The following TBC1D22A variants were observed in gnomAD, a reference collection of about 807,000 sequenced individuals.
The protein encoded by TBC1D22A is TBC1 domain family member 22A.
In TBC1D22A, 38 loss-of-function variants were observed where a neutral mutation model predicts 60.2. The ratio of observed to expected loss-of-function variants is 0.63; its 90% confidence interval spans 0.49 to 0.83. TBC1D22A has a LOEUF of 0.83. Ranked by LOEUF, TBC1D22A falls within the 40% of genes least tolerant of loss-of-function variation. TBC1D22A has a pLI of 0.00. For missense variants in TBC1D22A, 628 were observed against 701.0 expected (o/e 0.90, Z 1.18); for synonymous variants, 302 against 281.7 (o/e 1.07, Z -0.72).
chr22:47,147,480 G>A (rs546693284), intron 12 of TBC1D22A, among the ~76,000 whole-genome samples: 2 of 152,262 alleles, frequency 1.3e-5, no homozygotes, highest in African/African-American at 4.8e-5. Context: ...AGGGGGCTGC[G>A]GTCCTCCAAC....
At chr22:47,147,950 G>T (rs2295248) in intron 12 of TBC1D22A, among the ~76,000 whole-genome samples, 76,083 of 152,038 alleles carry the variant, frequency 0.5, 20,611 homozygotes, top group East Asian at 0.75. Context: ...GTGAGGCTGT[G>T]CTGCTCCTGG....
chr22:47,020,355 A>T (rs1304216894), intron 10 of TBC1D22A, among the ~76,000 whole-genome samples: 3 of 151,550 alleles, frequency 2.0e-5, no homozygotes, highest in Admixed American at 6.6e-5. Flanking sequence ...GGAGAGAGGG[A>T]CTCTATCCGG....
At chr22:46,815,099 A>G (rs1569078045) in intron 4 of TBC1D22A, among the ~76,000 whole-genome samples, 1 of 152,204 alleles carries the variant, frequency 6.6e-6, no homozygotes, top group Non-Finnish European at 1.5e-5. Flanking sequence ...ACATTCTATT[A>G]TTTGGGTGTT....
intron 5 of TBC1D22A, among the ~76,000 whole-genome samples, chr22:46,885,135 C>T (rs1307376816): frequency 1.3e-5 from 2 of 152,186 alleles, no homozygotes; most frequent in African/African-American, 4.8e-5. Context: ...CAGTCTTCAG[C>T]GTCTCTGTAT....
chr22:46,941,334 A>T lies in TBC1D22A; in HGVS notation c.1015+29146A>T, dbSNP rs192155836. The stretch of plus-strand genomic sequence containing the variant: ...AACAGCATGGGGACTGGGGCACTAC[A>T]ATATATATATATATAGAATATATAT... On this transcript the variant is annotated intron_variant, in intron 8 of 12. Transcript: ENST00000337137. Among the ~76,000 whole-genome samples, 90 of 143,146 alleles carry T rather than the reference A, an allele frequency of 6.3e-4. 1 individual carries two copies. The East Asian group carries it at 8.8e-3, about 14-fold the overall frequency. The allele number at this position is 143,146 out of a possible 152,430, so 93.9% of individuals were successfully genotyped here. A position where few individuals can be genotyped will look rare whatever the true frequency, so the allele number is the denominator to read the frequency against.
At chr22:46,820,199 A>AT (rs1183282983) in intron 4 of TBC1D22A, among the ~76,000 whole-genome samples, 1 of 151,324 alleles carries the variant, frequency 6.6e-6, no homozygotes, top group Non-Finnish European at 1.5e-5. Context: ...GGATTTGTTG[A>AT]TTTTTTGGAG....
At chr22:47,158,838 C>T (rs933732326) in intron 12 of TBC1D22A, among the ~76,000 whole-genome samples, 5 of 152,086 alleles carry the variant, frequency 3.3e-5, no homozygotes, top group African/African-American at 9.7e-5. Context: ...GCAGGACCTG[C>T]GTCCAGAAAG....
intron 8 of TBC1D22A, among the ~76,000 whole-genome samples, chr22:46,951,367 C>CA (rs2072891691): frequency 6.6e-6 from 1 of 152,106 alleles, no homozygotes; most frequent in Non-Finnish European, 1.5e-5. Flanking sequence ...TTTCTGAGGC[C>CA]GGGCAGCAGT....
chr22:47,022,675 A>G (rs752724731), intron 10 of TBC1D22A, among the ~76,000 whole-genome samples: 20 of 152,238 alleles, frequency 1.3e-4, no homozygotes, highest in Non-Finnish European at 2.2e-4. Context: ...GCTTGAAATG[A>G]TGACAGAGAA....
intron 12 of TBC1D22A, among the ~76,000 whole-genome samples, chr22:47,162,793 CGGGGG>C (rs2068045159): frequency 1.9e-5 from 2 of 103,044 alleles, no homozygotes; most frequent in African/African-American, 9.6e-5. Flanking sequence ...CAGGGAGAGT[CGGGGG>C]AGTGGGACTG....
chr22:47,100,825 C>T (rs2147669339), intron 11 of TBC1D22A, among the ~76,000 whole-genome samples: 1 of 152,282 alleles, frequency 6.6e-6, no homozygotes, highest in South Asian at 2.1e-4. Context: ...AGGTGGGCCC[C>T]TCCTCCCCTT....
intron 12 of TBC1D22A, among the ~76,000 whole-genome samples, chr22:47,156,700 C>G (rs2067732271): frequency 2.0e-5 from 3 of 152,148 alleles, no homozygotes; most frequent in African/African-American, 7.2e-5. Context: ...CCTCACAGCA[C>G]AGTCTCCCTC....
At position 46,891,325 on chromosome 22, in the gene TBC1D22A, A is replaced by T. The variant is rs1208976578; in HGVS notation, c.768A>T (p.Glu256Asp). The change falls in exon 6 of 13, where the codon GAA (glutamate) becomes GAT (aspartate). Residue 256 changes from glutamate to aspartate, a missense_variant. By Grantham distance (45) the Glu-to-Asp change is conservative. Transcript: ENST00000337137. Reference protein sequence around the residue: ...RPATLQRKQKEYFAFIEHYYD... With the variant: ...RPATLQRKQKDYFAFIEHYYD... The stretch of plus-strand genomic sequence containing the variant: ...CCACTCTCCAGAGAAAACAAAAAGA[A>T]TATTTTGCATTTATTGAGCACTATT... The T allele has an allele frequency of 1.2e-6, 2 of 1,613,698 alleles. No homozygotes were observed. The highest frequency in any genetic ancestry group is 3.3e-5 in the Admixed American group (2 of 59,904).
At chr22:46,850,173 A>G (rs528992024) in intron 4 of TBC1D22A, among the ~76,000 whole-genome samples, 1 of 152,162 alleles carries the variant, frequency 6.6e-6, no homozygotes, top group South Asian at 2.1e-4. Context: ...AGAGATGGAG[A>G]CGAGTGCTGA....
At chr22:47,016,806 G>T (rs911503031) in intron 10 of TBC1D22A, among the ~76,000 whole-genome samples, 1 of 152,220 alleles carries the variant, frequency 6.6e-6, no homozygotes, top group African/African-American at 2.4e-5. Flanking sequence ...TGCCTGCCTG[G>T]GTGGCATGCG....
At chr22:46,789,329 G>T in intron 1 of TBC1D22A, 1 of 432,912 alleles carries the variant, frequency 2.3e-6, no homozygotes. Flanking sequence ...GTTTCACTGT[G>T]TTATCCAGGA....
At chr22:46,847,003 C>G (rs546593951) in intron 4 of TBC1D22A, among the ~76,000 whole-genome samples, 3 of 152,288 alleles carry the variant, frequency 2.0e-5, no homozygotes, top group South Asian at 4.1e-4. Context: ...TGGAATCTCG[C>G]GTGGGGTTCA....
chr22:46,959,693 G>C (rs1162241907), intron 8 of TBC1D22A, among the ~76,000 whole-genome samples: 1 of 152,092 alleles, frequency 6.6e-6, no homozygotes, highest in Admixed American at 6.5e-5. Context: ...ATTCCGCTTG[G>C]TCAGAGCCGG....
At chr22:46,949,856 G>A (rs889751428) in intron 8 of TBC1D22A, among the ~76,000 whole-genome samples, 1 of 152,342 alleles carries the variant, frequency 6.6e-6, no homozygotes, top group Non-Finnish European at 1.5e-5. Context: ...GCAGGCAAGT[G>A]AGTGCGGAGA....
Sources: allele counts gnomAD v4.1 joint callset (sites outside exome capture counted in the v4.1 genomes callset), GRCh38; gene constraint gnomAD v4.1.1; transcripts MANE v1.5; gene names NCBI Gene and HGNC (gene_info 2026-07-23, HGNC 2026-07-21).